Variants in SAMMSON observed in about 807,000 individuals in gnomAD.
The protein encoded by SAMMSON is long intergenic non-protein coding RNA 1212.
chr3:70,426,831 G>A lies in SAMMSON; in HGVS notation n.234-35729G>A, dbSNP rs116113842. On this transcript the variant is annotated intron_variant and non_coding_transcript_variant, in intron 2 of 3. Transcript: ENST00000641053. ...AGGATGAAAGTTAAACTTTGAAAGA[G>A]AAAGTTGAACCTGCCTAGCATCTGG... Among the ~76,000 whole-genome samples the A allele has an allele frequency of 8.8e-3, 1,347 of 152,288 alleles. 26 individuals are homozygous for A. Among genetic ancestry groups the A allele is most frequent in the African/African-American group, 0.028 (1,146 of 41,548 alleles).
At chr3:70,415,113 G>A (rs961566775) in intron 2 of SAMMSON, among the ~76,000 whole-genome samples, 6 of 152,152 alleles carry the variant, frequency 3.9e-5, no homozygotes, top group African/African-American at 1.4e-4. Context: ...TAACACCCCT[G>A]TTGACTTCTG....
intron 9 of SAMMSON, among the ~76,000 whole-genome samples, chr3:70,377,668 T>A (rs1703032213): frequency 6.6e-6 from 1 of 151,962 alleles, no homozygotes; most frequent in Non-Finnish European, 1.5e-5. Flanking sequence ...TGTGGTGAAG[T>A]ATACCAAAAA....
intron 6 of SAMMSON, among the ~76,000 whole-genome samples, chr3:70,256,407 C>T (rs775990659): frequency 2.6e-5 from 4 of 152,174 alleles, no homozygotes; most frequent in African/African-American, 4.8e-5. Flanking sequence ...GCCATGCTGA[C>T]TGTAAACTGC....
intron 7 of SAMMSON, among the ~76,000 whole-genome samples, chr3:70,315,093 G>T (rs570775013): frequency 6.6e-6 from 1 of 152,030 alleles, no homozygotes; most frequent in Admixed American, 6.6e-5. Context: ...TATTTAAGTC[G>T]AAGCATTAGA....
At chr3:70,056,252 T>C (rs910326126) in intron 3 of SAMMSON, among the ~76,000 whole-genome samples, 3 of 152,056 alleles carry the variant, frequency 2.0e-5, no homozygotes, top group African/African-American at 7.2e-5. Flanking sequence ...GCTCCTTTAT[T>C]CAACAAAGAT....
intron 9 of SAMMSON, among the ~76,000 whole-genome samples, chr3:70,365,090 A>G (rs958051143): frequency 6.6e-6 from 1 of 151,730 alleles, no homozygotes; most frequent in Non-Finnish European, 1.5e-5. Flanking sequence ...TCAAAAATAC[A>G]ATGTGTCATA....
At chr3:70,313,956 AATTG>A (rs1400929184) in intron 7 of SAMMSON, among the ~76,000 whole-genome samples, 37 of 152,132 alleles carry the variant, frequency 2.4e-4, no homozygotes, top group Non-Finnish European at 2.9e-4. Flanking sequence ...ACTCCAACCT[AATTG>A]CATTGTGGCT....
At chr3:70,390,613 C>T (rs946233872), downstream of SAMMSON, among the ~76,000 whole-genome samples, 1 of 152,010 alleles carries the variant, frequency 6.6e-6, no homozygotes, top group African/African-American at 2.4e-5. Flanking sequence ...CTTGTGAGAA[C>T]TCATTCAGTA....
intron 9 of SAMMSON, among the ~76,000 whole-genome samples, chr3:70,359,631 C>G (rs1385527437): frequency 1.3e-5 from 2 of 152,120 alleles, no homozygotes; most frequent in African/African-American, 4.8e-5. Context: ...TTTCTCTGTT[C>G]TGTAGCTAAG....
intron 2 of SAMMSON, among the ~76,000 whole-genome samples, chr3:70,418,744 GTGT>G (rs2106772729): frequency 6.6e-6 from 1 of 152,308 alleles, no homozygotes; most frequent in Admixed American, 6.5e-5. Context: ...AAACCCAGCA[GTGT>G]ATAATTCTCT....
At chr3:70,206,996 C>G (rs924075235) in intron 4 of SAMMSON, among the ~76,000 whole-genome samples, 1 of 149,612 alleles carries the variant, frequency 6.7e-6, no homozygotes, top group African/African-American at 2.4e-5. Flanking sequence ...ACATTGCAAA[C>G]TTTACCTATC....
chr3:70,125,642 A>G lies in SAMMSON; in HGVS notation n.507+54077A>G. On this transcript the variant is annotated intron_variant and non_coding_transcript_variant, in intron 4 of 9. Transcript: ENST00000642114. The stretch of plus-strand genomic sequence containing the variant: ...TTAAATGCAGCTGGCATGTCGGTAG[A>G]TATATGGAATTCAATTCTTTTATTA... 1.4e-5 allele frequency: 10 copies of G among 699,750 alleles called. No homozygotes were observed. The South Asian group carries it at 1.5e-4, about 10-fold the overall frequency. The allele number at this position is 699,750 out of a possible 1,614,324, so 43.3% of individuals were successfully genotyped here.
At chr3:70,140,536 C>G (rs964547318) in intron 4 of SAMMSON, 3 of 155,514 alleles carry the variant, frequency 1.9e-5, no homozygotes, top group East Asian at 1.8e-4. Flanking sequence ...GCATAAGGAT[C>G]TTTCCTTATG....
chr3:70,020,048 G>T (rs2067005393), intron 3 of SAMMSON, among the ~76,000 whole-genome samples: 1 of 152,200 alleles, frequency 6.6e-6, no homozygotes, highest in Middle Eastern at 3.4e-3. Context: ...CAATGCAAAG[G>T]CCTTAAAGGT....
chr3:70,232,822 G>T (rs1279441594), intron 4 of SAMMSON, among the ~76,000 whole-genome samples: 1 of 151,990 alleles, frequency 6.6e-6, no homozygotes, highest in Non-Finnish European at 1.5e-5. Flanking sequence ...GTCTTCCCAG[G>T]GTGATTCTCT....
chr3:70,332,121 A>G (rs1702625520), intron 7 of SAMMSON, among the ~76,000 whole-genome samples: 3 of 152,230 alleles, frequency 2.0e-5, no homozygotes, highest in Admixed American at 1.3e-4. Context: ...AGGACATGGC[A>G]ATGTAAGACA....
chr3:70,360,016 G>A (rs1405321778), intron 9 of SAMMSON, among the ~76,000 whole-genome samples: 2 of 152,098 alleles, frequency 1.3e-5, no homozygotes, highest in African/African-American at 4.8e-5. Flanking sequence ...AGGAATTTGA[G>A]CTAGTAAATG....
At position 70,289,414 on chromosome 3, in the gene SAMMSON, T is replaced by G. The variant is rs1389369210; in HGVS notation, n.675-1765T>G. 2.0e-5 allele frequency among the ~76,000 whole-genome samples: 3 copies of G among 150,150 alleles called. No homozygotes were observed. The East Asian group carries it at 5.9e-4, about 30-fold the overall frequency. ...CCACTCTCTTCTGGCTTGTAGGGTT[T>G]CTGCCGAGAGATCCGCTGTTAGTCT... On this transcript the variant is annotated intron_variant and non_coding_transcript_variant, in intron 6 of 9. Coordinates refer to ENST00000642114, the Ensembl canonical transcript of SAMMSON.
rs966368008 is a variant in SAMMSON at position 70,079,986 on chromosome 3, A to G, written n.507+8421A>G. 3.9e-5 allele frequency among the ~76,000 whole-genome samples: 6 copies of G among 152,172 alleles called. No individual in the cohort carries two copies. In the East Asian group the frequency reaches 7.7e-4, roughly 20 times the overall value. ...CTCCTTTGAACTATTCTGTCATGCA[A>G]TTTATGCTCCCGAATGCCTCTCTTG... On this transcript the variant is annotated intron_variant and non_coding_transcript_variant, in intron 4 of 9. Coordinates refer to ENST00000642114, the Ensembl canonical transcript of SAMMSON.
Sources: gnomAD v4.1 joint callset for allele counts (sites outside exome capture counted in the v4.1 genomes callset) on GRCh38, gnomAD v4.1.1 for gene constraint, MANE v1.5 for transcripts, NCBI Gene and HGNC (gene_info 2026-07-23, HGNC 2026-07-21) for gene names.